Variants in ADNP2 observed in about 807,000 individuals in gnomAD.
ADNP2 encodes activity-dependent neuroprotector homeobox protein 2.
Under a neutral mutation model 16.4 loss-of-function variants are expected in ADNP2, and 8 were observed. The observed-to-expected ratio is 0.49, with a 90% CI of 0.29 to 0.88. The LOEUF (loss-of-function observed/expected upper bound fraction) is 0.88, where lower values mean the gene tolerates loss of function less well. ADNP2 is among the 40% of genes least tolerant of loss of function. ADNP2 has a pLI of 0.09. For synonymous variants in ADNP2, 637 were observed against 545.8 expected (o/e 1.17, Z -2.33); for missense variants, 1,397 against 1,395.1 (o/e 1.00, Z -0.02).
Position 80,138,576 on chromosome 18 carries a change from A to AAGC in ADNP2, c.3165_3167dup (p.Gln1056dup). The AAGC allele has an allele frequency of 6.2e-7, 1 of 1,609,656 alleles. No homozygotes were observed. Among genetic ancestry groups the AAGC allele is most frequent in the Non-Finnish European group, 8.5e-7 (1 of 1,179,072 alleles). On this transcript the variant is annotated inframe_insertion, in exon 4 of 4. Transcript: ENST00000262198. ...TGAAGGCCGTTCTTATGAAGAAAAG[A>AAGC]AGCAATTTCTTAAAGATTATTTCCA...
chr18:80,118,351 C>T (rs1349583648), intron 2 of ADNP2, among the ~76,000 whole-genome samples: 2 of 151,926 alleles, frequency 1.3e-5, no homozygotes, highest in Non-Finnish European at 2.9e-5. Context: ...TTGCTTGAAC[C>T]TGGGTGGCAG....
At position 80,135,814 on chromosome 18, in the gene ADNP2, T is replaced by A; in HGVS notation, c.401T>A (p.Val134Asp). ...ATGTTCCATGCACCTGTCCGGAAAG[T>A]CCAGAACTACACAGTGAATATTTTA... ...FRMFHAPVRK[V>D]QNYTVNILGE... The change falls in exon 4 of 4, where the codon GTC (valine) becomes GAC (aspartate). Residue 134 changes from valine to aspartate, a missense_variant. Transcript: ENST00000262198. The A allele has an allele frequency of 6.2e-7, 1 of 1,614,086 alleles. No individual in the cohort carries two copies. The highest frequency in any genetic ancestry group is 8.5e-7 in the Non-Finnish European group (1 of 1,180,024).
rs541206879 is a variant in ADNP2 at position 80,135,089 on chromosome 18, CT to C, written c.199-522del. Among the ~76,000 whole-genome samples, 141 of 152,132 alleles carry C rather than the reference CT, an allele frequency of 9.3e-4. 1 individual carries two copies. The highest frequency in any genetic ancestry group is 3.3e-3 in the African/African-American group (136 of 41,510). On this transcript the variant is annotated intron_variant, in intron 3 of 3. Coordinates refer to ENST00000262198, the MANE Select transcript of ADNP2 (RefSeq NM_014913.4). ...ATTAATGAAGCTTTTAAAATTGATG[CT>C]GTTATTAATAATTCAGAATACAGGA...
chr18:80,117,968 A>G (rs552301177), intron 2 of ADNP2, among the ~76,000 whole-genome samples: 61 of 152,354 alleles, frequency 4.0e-4, no homozygotes, highest in African/African-American at 1.4e-3. Context: ...AGAGCAATCA[A>G]CAAATGGGCA....
Position 80,138,700 on chromosome 18 carries a change from A to G in ADNP2, c.3287A>G (p.Tyr1096Cys). 3 of 1,612,196 alleles carry G rather than the reference A, an allele frequency of 1.9e-6. No individual in the cohort carries two copies. Among genetic ancestry groups the G allele is most frequent in the Non-Finnish European group, 2.5e-6 (3 of 1,179,690 alleles). Residue 1096 changes from tyrosine (Y) to cysteine (C), a missense_variant, in exon 4 of 4, where the codon TAT becomes TGT. Tyr to Cys is a radical substitution (Grantham distance 194). This residue lies in a region of ADNP2 where 611 missense variants were observed against 648.7 expected (regional missense o/e 0.94). Transcript: ENST00000262198. ...GCTTCATTTTTTGGAAAAAGAAGGT[A>G]TATTTGCATGAAAGCAATAAAAAAT... Reference protein sequence around the residue: ...DVASFFGKRRYICMKAIKNHK... With the variant: ...DVASFFGKRRCICMKAIKNHK...
chr18:80,118,313 A>C (rs1422480358), intron 2 of ADNP2, among the ~76,000 whole-genome samples: 2 of 152,072 alleles, frequency 1.3e-5, no homozygotes, highest in African/African-American at 4.8e-5. Context: ...CTGTAGTTGC[A>C]GCTACTCAGG....
chr18:80,136,915 G>T lies in ADNP2; in HGVS notation c.1502G>T (p.Gly501Val). Reference sequence around the variant, plus strand: ...GCTCCGTCACGGGTTCTTCCCCCAGGCCAGACAGCCCCATTGAGGGTTATC... The same window carrying T: ...GCTCCGTCACGGGTTCTTCCCCCAGTCCAGACAGCCCCATTGAGGGTTATC... ...QTAPSRVLPP[G>V]QTAPLRVISA... The change falls in exon 4 of 4, where the codon GGC becomes GTC. Residue 501 changes from glycine to valine, a missense_variant. By Grantham distance (109) the Gly-to-Val change is moderately radical. This residue lies in a region of ADNP2 where 777 missense variants were observed against 719.4 expected (regional missense o/e 1.08). Transcript: ENST00000262198. 6.2e-7 allele frequency: 1 copy of T among 1,613,896 alleles called. No individual in the cohort carries two copies. The highest frequency in any genetic ancestry group is 8.5e-7 in the Non-Finnish European group (1 of 1,179,962).
At chr18:80,114,078 A>G (rs1157547183) in intron 1 of ADNP2, among the ~76,000 whole-genome samples, 1 of 151,852 alleles carries the variant, frequency 6.6e-6, no homozygotes, top group Non-Finnish European at 1.5e-5. Context: ...CGGTAGTCCA[A>G]GCTACTCATG....
At chr18:80,115,159 C>G (rs577187649) in intron 1 of ADNP2, among the ~76,000 whole-genome samples, 1 of 152,272 alleles carries the variant, frequency 6.6e-6, no homozygotes, top group South Asian at 2.1e-4. Context: ...GGAAAATTCA[C>G]TTTGCCACAG....
Position 80,139,491 on chromosome 18 carries a change from GC to G in ADNP2, c.*683del, listed in dbSNP as rs538411982. ...TTGACATCTGGTATGCTGGTATGTA[GC>G]TCATACATCAAGAGTTATTTTACAA... On this transcript the variant is annotated 3_prime_UTR_variant, in exon 4 of 4. Transcript: ENST00000262198. The G allele has an allele frequency of 5.2e-3, 784 of 151,996 alleles. 5 individuals are homozygous for G. The highest frequency in any genetic ancestry group is 8.0e-3 in the Non-Finnish European group (546 of 67,934). 9.4% of individuals were successfully genotyped at this position (151,996 alleles called of 1,614,324 possible).
In ADNP2 at chr18:80,137,124, G is replaced by C. The variant is rs757836571; in HGVS notation, c.1711G>C (p.Val571Leu). 4 of 1,614,222 alleles carry C rather than the reference G, an allele frequency of 2.5e-6. No homozygotes were observed. Among genetic ancestry groups the C allele is most frequent in the Middle Eastern group, 1.6e-4 (1 of 6,062 alleles). ...RPGVLQLNQTVGTNILPVNQP... is the reference protein window; with the variant it reads ...RPGVLQLNQTLGTNILPVNQP... ...TGGGGTCTTGCAACTCAACCAGACT[G>C]TGGGCACCAACATTCTGCCTGTGAA... The change falls in exon 4 of 4, where the codon GTG (valine) becomes CTG (leucine). Residue 571 changes from valine (V) to leucine (L), a missense_variant. By Grantham distance (32) the Val-to-Leu change is conservative. Around this residue, in one of 3 missense-constraint regions of ADNP2, gnomAD observed 777 missense variants for 719.4 expected, o/e 1.08. Coordinates refer to ENST00000262198, the MANE Select transcript of ADNP2 (RefSeq NM_014913.4). The surrounding 1 kb of genome is among the most constrained non-coding windows in gnomAD (Gnocchi z 4.2).
chr18:80,118,230 G>C (rs886455479), intron 2 of ADNP2, among the ~76,000 whole-genome samples: 9 of 152,140 alleles, frequency 5.9e-5, no homozygotes, highest in Non-Finnish European at 1.3e-4. Context: ...TTCGAGACCA[G>C]CCTGGCCAAC....
chr18:80,134,117 C>T (rs1184552546), intron 3 of ADNP2, among the ~76,000 whole-genome samples: 1 of 152,162 alleles, frequency 6.6e-6, no homozygotes, highest in Non-Finnish European at 1.5e-5. Flanking sequence ...TGATTTAGTT[C>T]TCCTCCACCT....
At chr18:80,131,140 C>A (rs995547877) in intron 2 of ADNP2, among the ~76,000 whole-genome samples, 2 of 152,318 alleles carry the variant, frequency 1.3e-5, no homozygotes, top group Admixed American at 1.3e-4. Flanking sequence ...GCCGTTGAAC[C>A]CCTGCTCTGA....
intron 2 of ADNP2, among the ~76,000 whole-genome samples, chr18:80,119,129 G>A (rs755072354): frequency 1.1e-4 from 17 of 152,114 alleles, no homozygotes; most frequent in Admixed American, 3.3e-4. Flanking sequence ...TAATCAAATT[G>A]TATAAGCTAC....
At chr18:80,117,798 A>G in intron 2 of ADNP2, 148 bp downstream of exon 2, 2 of 588,558 alleles carry the variant, frequency 3.4e-6, no homozygotes, top group Non-Finnish European at 2.9e-6. Context: ...TTATGTCTTT[A>G]TGACATAAAG....
intron 2 of ADNP2, among the ~76,000 whole-genome samples, chr18:80,127,921 C>T (rs1038675354): frequency 6.6e-6 from 1 of 152,232 alleles, no homozygotes; most frequent in African/African-American, 2.4e-5. Flanking sequence ...AAAAGTCCCA[C>T]TGGTTTTCTC....
At position 80,116,384 on chromosome 18, in the gene ADNP2, CTT is replaced by C. The variant is rs2052389568; in HGVS notation, c.-13-1145_-13-1144del. ...TTTTTGGGTGGATGTATGCTTTTCT[CTT>C]GAGTGGAATTGCTGGTTCATATGTT... is the stretch of plus-strand genomic sequence containing the variant. On this transcript the variant is annotated intron_variant, in intron 1 of 3. Transcript: ENST00000262198. Among the ~76,000 whole-genome samples, 6 of 152,200 alleles carry C rather than the reference CTT, an allele frequency of 3.9e-5. No homozygotes were observed. The South Asian group carries it at 1.2e-3, about 31-fold the overall frequency.
At chr18:80,134,416 TGTGAGAGA>T (rs1219745620) in intron 3 of ADNP2, among the ~76,000 whole-genome samples, 5 of 146,268 alleles carry the variant, frequency 3.4e-5, no homozygotes, top group Non-Finnish European at 4.6e-5. Flanking sequence ...TGTGTGTGTG[TGTGAGAGA>T]GAGTGATAAT....
Sources: allele counts gnomAD v4.1 joint callset (sites outside exome capture counted in the v4.1 genomes callset), GRCh38; gene constraint gnomAD v4.1.1; regional missense constraint gnomAD v4.1.1; non-coding constraint Gnocchi (gnomAD v3.1); transcripts MANE v1.5; gene names NCBI Gene and HGNC (gene_info 2026-07-23, HGNC 2026-07-21).